Variants in KHDC3L observed in about 807,000 individuals in gnomAD.
KHDC3L encodes the protein KH domain containing 3 like, subcortical maternal complex member, also known as KH domain-containing protein 3.
Under a neutral mutation model 11.4 loss-of-function variants are expected in KHDC3L, and 6 were observed. The ratio of observed to expected loss-of-function variants is 0.52; its 90% CI spans 0.29 to 1.03. The LOEUF (loss-of-function observed/expected upper bound fraction) is 1.03, where lower values mean the gene tolerates loss of function less well. Among genes scored for constraint, KHDC3L ranks in the 50% least tolerant of loss-of-function variants. The pLI is 0.09. For synonymous variants in KHDC3L, 127 were observed against 120.9 expected (o/e 1.05, Z -0.33); for missense variants, 293 against 290.4 (o/e 1.01, Z -0.07).
chr6:73,363,509 G>T, intron 2 of KHDC3L, 47 bp from the exon 3 acceptor site: 1 of 1,584,330 alleles, frequency 6.3e-7, no homozygotes, highest in East Asian at 2.2e-5. Flanking sequence ...TTTTTGGAGA[G>T]GATATAGAGA....
chr6:73,363,447 C>A, intron 2 of KHDC3L, 109 bp from the exon 3 acceptor site: 1 of 1,456,650 alleles, frequency 6.9e-7, no homozygotes, highest in Non-Finnish European at 9.5e-7. Flanking sequence ...ATTGAACCCT[C>A]GTTCTGGGAT....
Position 73,363,628 on chromosome 6 carries a change from G to T in KHDC3L, c.422G>T (p.Arg141Leu). 1 of 1,613,010 alleles carries T rather than the reference G, an allele frequency of 6.2e-7. No individual in the cohort carries two copies. The highest frequency in any genetic ancestry group is 1.7e-4 in the Middle Eastern group (1 of 6,060). ...AETQRSSIEV[R>L]EAGTQRSVEV... Reference sequence around the variant, plus strand: ...ACCCAGCGGTCTTCAATAGAAGTCCGGGAGGCCGGGACGCAGCGTTCGGTG... The same window carrying T: ...ACCCAGCGGTCTTCAATAGAAGTCCTGGAGGCCGGGACGCAGCGTTCGGTG... Residue 141 changes from arginine (R) to leucine (L), a missense_variant, in exon 3 of 3, where the codon CGG becomes CTG. Physicochemically the swap from Arg to Leu is moderately radical, Grantham distance 102. Transcript: ENST00000370367.
rs531383488 is a variant in KHDC3L, at chr6:73,363,609, C to A, written c.403C>A (p.Arg135=). The change falls in exon 3 of 3, where the codon CGG becomes AGG. Residue 135 remains arginine (R), a synonymous_variant. Transcript: ENST00000370367. ...DVATQKAETQ[R]SSIEVREAGT... ...CGCCACTCAGAAGGCCGAGACCCAG[C>A]GGTCTTCAATAGAAGTCCGGGAGGC... The A allele has an allele frequency of 6.2e-7, 1 of 1,613,194 alleles. No homozygotes were observed. Among genetic ancestry groups the A allele is most frequent in the Non-Finnish European group, 8.5e-7 (1 of 1,179,986 alleles).
intron 2 of KHDC3L, 92 bp from the exon 3 acceptor site, chr6:73,363,464 C>G (rs1179386710): frequency 3.3e-6 from 5 of 1,494,628 alleles, no homozygotes; most frequent in Non-Finnish European, 4.6e-6. Context: ...GGATTTCTGG[C>G]TCCTACTCCC....
At position 73,363,728 on chromosome 6, in the gene KHDC3L, G is replaced by A. The variant is rs565335780; in HGVS notation, c.522G>A (p.Val174=). The A allele has an allele frequency of 4.3e-6, 7 of 1,612,766 alleles. No homozygotes were observed. Among genetic ancestry groups the A allele is most frequent in the Non-Finnish European group, 5.1e-6 (6 of 1,179,900 alleles). ...EVGTQGSPVE[V]QEAGTQQSLQ... ...GGACACAGGGTTCTCCGGTGGAGGT[G>A]CAGGAGGCCGGGACCCAGCAGTCTC... The change falls in exon 3 of 3, where the codon GTG becomes GTA. Residue 174 remains valine, a synonymous_variant. Transcript: ENST00000370367.
At chr6:73,363,485 T>C in intron 2 of KHDC3L, 71 bp from the exon 3 acceptor site, 3 of 1,551,166 alleles carry the variant, frequency 1.9e-6, no homozygotes, top group Non-Finnish European at 2.6e-6. Flanking sequence ...GCAGGCCGCT[T>C]GGGTGACTGT....
Position 73,363,114 on chromosome 6 carries a change from CCCG to C in KHDC3L, c.191_193del (p.Pro64del), listed in dbSNP as rs1358852024. The C allele has an allele frequency of 6.2e-7, 1 of 1,614,144 alleles. No individual in the cohort carries two copies. Reference sequence around the variant, plus strand: ...GCGCAGGCCGGGGCGGAGAACGCATCCCGCACGTCCAGGGTATGTCCCAAATCT... The same window carrying C: ...GCGCAGGCCGGGGCGGAGAACGCATCCACGTCCAGGGTATGTCCCAAATCT... On this transcript the variant is annotated inframe_deletion, in exon 2 of 3. Coordinates refer to ENST00000370367, the MANE Select transcript of KHDC3L (RefSeq NM_001017361.3).
rs917048060 is a variant in KHDC3L at position 73,364,121 on chromosome 6, G to T, written c.*261G>T. The T allele has an allele frequency of 3.6e-6, 2 of 555,558 alleles. No homozygotes were observed. Among genetic ancestry groups the T allele is most frequent in the Non-Finnish European group, 6.4e-6 (2 of 310,174 alleles). 34.4% of individuals were successfully genotyped at this position (555,558 alleles called of 1,614,324 possible). On this transcript the variant is annotated 3_prime_UTR_variant, in exon 3 of 3. Coordinates refer to ENST00000370367, the MANE Select transcript of KHDC3L (RefSeq NM_001017361.3). Reference sequence around the variant, plus strand: ...GGATTGTTTTTGTTTTACACCTTCTGTTGAATGGTTGCCAACACAAACTTG... The same window carrying T: ...GGATTGTTTTTGTTTTACACCTTCTTTTGAATGGTTGCCAACACAAACTTG...
Position 73,363,783 on chromosome 6 carries a change from C to A in KHDC3L, c.577C>A (p.Arg193=). The A allele has an allele frequency of 1.2e-6, 2 of 1,612,586 alleles. No homozygotes were observed. The highest frequency in any genetic ancestry group is 1.7e-6 in the Non-Finnish European group (2 of 1,179,588). Residue 193 remains arginine (R), a synonymous_variant, in exon 3 of 3, where the codon CGA becomes AGA. Transcript: ENST00000370367. ...LQAANKSGTQ[R]SPEAASKAVT... The stretch of plus-strand genomic sequence containing the variant: ...GGCTGCCAACAAGTCGGGGACCCAG[C>A]GATCCCCCGAAGCTGCCAGCAAGGC...
At chr6:73,363,421 G>T in intron 2 of KHDC3L, 135 bp from the exon 3 acceptor site, 2 of 1,414,958 alleles carry the variant, frequency 1.4e-6, no homozygotes, top group South Asian at 1.2e-5. Context: ...TCGCTGCCAC[G>T]GATCCAGAAG....
In KHDC3L at chr6:73,362,898, G is replaced by C. The variant is rs1440019881; in HGVS notation, c.169G>C (p.Gly57Arg). The change falls in exon 1 of 3, where the codon GGC becomes CGC. Residue 57 changes from glycine (G) to arginine (R), a missense_variant and splice_region_variant. Transcript: ENST00000370367. ...GGTTTGGCTGGTGGAAAAGATCTTCGGTGAGTGGACCAAGAAGGGGCAGCC... is the reference window on the plus strand; with the variant it reads ...GGTTTGGCTGGTGGAAAAGATCTTCCGTGAGTGGACCAAGAAGGGGCAGCC... The part of the protein sequence containing the change: ...LEVWLVEKIF[G>R]RGGERIPHVQ... The C allele has an allele frequency of 6.2e-7, 1 of 1,613,960 alleles. No individual in the cohort carries two copies. The highest frequency in any genetic ancestry group is 8.5e-7 in the Non-Finnish European group (1 of 1,180,032).
At chr6:73,363,476 C>A in intron 2 of KHDC3L, 80 bp from the exon 3 acceptor site, 1 of 1,533,444 alleles carries the variant, frequency 6.5e-7, no homozygotes, top group Non-Finnish European at 8.9e-7. Context: ...CCTACTCCCG[C>A]AGGCCGCTTG....
Position 73,362,866 on chromosome 6 carries a change from G to C in KHDC3L, c.137G>C (p.Arg46Pro). Residue 46 changes from arginine (R) to proline (P), a missense_variant, in exon 1 of 3, where the codon CGC becomes CCC. By Grantham distance (103) the Arg-to-Pro change is moderately radical (BLOSUM62 -2). Coordinates refer to ENST00000370367, the MANE Select transcript of KHDC3L (RefSeq NM_001017361.3). ...SEFLKNPKVVRLEVWLVEKIF... is the reference protein window; with the variant it reads ...SEFLKNPKVVPLEVWLVEKIF... ...TTCCTGAAGAATCCGAAGGTAGTTC[G>C]CCTTGAGGTTTGGCTGGTGGAAAAG... 1 of 1,614,176 alleles carries C rather than the reference G, an allele frequency of 6.2e-7. No individual in the cohort carries two copies. The highest frequency in any genetic ancestry group is 8.5e-7 in the Non-Finnish European group (1 of 1,180,036).
rs925285023 is a variant in KHDC3L at position 73,363,774 on chromosome 6, G to T, written c.568G>T (p.Gly190Trp). The T allele has an allele frequency of 1.2e-6, 2 of 1,612,796 alleles. No homozygotes were observed. Among genetic ancestry groups the T allele is most frequent in the Non-Finnish European group, 1.7e-6 (2 of 1,179,654 alleles). ...GTCTCTCCAGGCTGCCAACAAGTCG[G>T]GGACCCAGCGATCCCCCGAAGCTGC... ...QQSLQAANKSGTQRSPEAASK... is the reference protein window; with the variant it reads ...QQSLQAANKSWTQRSPEAASK... Residue 190 changes from glycine (G) to tryptophan (W), a missense_variant, in exon 3 of 3, where the codon GGG becomes TGG. Gly to Trp is a radical substitution (Grantham distance 184). Coordinates refer to ENST00000370367, the MANE Select transcript of KHDC3L (RefSeq NM_001017361.3).
chr6:73,362,997 A>T (rs1562274572), intron 1 of KHDC3L, 98 bp from the exon 2 acceptor site: 1 of 1,602,456 alleles, frequency 6.2e-7, no homozygotes, highest in Admixed American at 1.7e-5. Flanking sequence ...GATCCTCACC[A>T]GTAGCCAATG....
intron 2 of KHDC3L, 115 bp downstream of exon 2, chr6:73,363,389 T>A (rs1016672437): frequency 7.0e-7 from 1 of 1,424,134 alleles, no homozygotes; most frequent in Non-Finnish European, 9.8e-7. Flanking sequence ...CTGCGGTTGG[T>A]GGGTGGGGGA....
Position 73,362,724 on chromosome 6 carries a change from C to G in KHDC3L, c.-6C>G, listed in dbSNP as rs1315216321. ...TGTCCTTGTCTCCTGCAGGACCGGC[C>G]GCAGCATGGACGCTCCCAGGCGGTT... is the stretch of plus-strand genomic sequence containing the variant. On this transcript the variant is annotated 5_prime_UTR_variant, in exon 1 of 3. Transcript: ENST00000370367. 6 of 1,613,944 alleles carry G rather than the reference C, an allele frequency of 3.7e-6. No individual in the cohort carries two copies. In the East Asian group the frequency reaches 1.1e-4, roughly 30 times the overall value.
chr6:73,363,398 G>A (rs1768904915), intron 2 of KHDC3L, 124 bp downstream of exon 2: 2 of 1,415,686 alleles, frequency 1.4e-6, no homozygotes, highest in Admixed American at 3.5e-5. Flanking sequence ...GTGGGTGGGG[G>A]AGGGGGCGGT....
chr6:73,363,344 G>A (rs959982253), intron 2 of KHDC3L, 70 bp downstream of exon 2: 3 of 1,580,524 alleles, frequency 1.9e-6, no homozygotes, highest in Non-Finnish European at 2.6e-6. Context: ...GGGTTTCCTG[G>A]CTGCTGGGGC....
Sources: gnomAD v4.1 joint callset for allele counts on GRCh38, gnomAD v4.1.1 for gene constraint, MANE v1.5 for transcripts, NCBI Gene and HGNC (gene_info 2026-07-23, HGNC 2026-07-21) for gene names.